KALRN: variants seen among roughly 807,000 people sequenced by gnomAD.
KALRN encodes the protein kalirin RhoGEF kinase.
In KALRN, 70 loss-of-function variants were observed where a neutral mutation model predicts 353.7. That is an observed-to-expected ratio of 0.20 (90% CI 0.16 to 0.24). KALRN has a LOEUF of 0.24. Among genes scored for constraint, KALRN ranks in the 10% least tolerant of loss-of-function variants. The pLI is 1.00. For synonymous variants in KALRN, 1,391 were observed against 1,434.8 expected (o/e 0.97, Z 0.69); for missense variants, 2,791 against 3,756.7 (o/e 0.74, Z 6.72).
At chr3:124,595,944 A>G (rs1313460840) in intron 34 of KALRN, among the ~76,000 whole-genome samples, 1 of 152,226 alleles carries the variant, frequency 6.6e-6, no homozygotes, top group African/African-American at 2.4e-5. Flanking sequence ...GCAATATATC[A>G]TGATGATTAC....
intron 27 of KALRN, among the ~76,000 whole-genome samples, chr3:124,478,770 T>G (rs1016496189): frequency 2.6e-5 from 4 of 152,232 alleles, no homozygotes; most frequent in African/African-American, 9.6e-5. Context: ...AAATGCATTG[T>G]GTCCTGTCTT....
intron 5 of KALRN, among the ~76,000 whole-genome samples, chr3:124,286,090 T>C (rs529541055): frequency 4.5e-5 from 6 of 134,498 alleles, no homozygotes; most frequent in East Asian, 2.2e-4. Context: ...TTCCTTTCTT[T>C]CTTTCTTTCT....
At chr3:124,632,335 T>A in intron 34 of KALRN, 85 bp from the exon 35 acceptor site, 1 of 1,341,542 alleles carries the variant, frequency 7.5e-7, no homozygotes, top group Non-Finnish European at 1.0e-6. Context: ...TGTCCTAGCT[T>A]CCTGAGGATG....
At chr3:124,244,493 T>A (rs1296304693) in intron 3 of KALRN, among the ~76,000 whole-genome samples, 1 of 152,178 alleles carries the variant, frequency 6.6e-6, no homozygotes, top group African/African-American at 2.4e-5. Context: ...CACCTCAGCC[T>A]CCCAAAGTGC....
At chr3:124,258,394 C>T (rs2072344072) in intron 3 of KALRN, among the ~76,000 whole-genome samples, 1 of 152,242 alleles carries the variant, frequency 6.6e-6, no homozygotes, top group Non-Finnish European at 1.5e-5. Context: ...CAGCATTTGA[C>T]ACTGTGGTTC....
chr3:124,561,114 T>G (rs954060666), intron 33 of KALRN, among the ~76,000 whole-genome samples: 1 of 152,188 alleles, frequency 6.6e-6, no homozygotes, highest in African/African-American at 2.4e-5. Context: ...AAGTAGATAA[T>G]TAATGCAAAG....
intron 1 of KALRN, among the ~76,000 whole-genome samples, chr3:124,197,813 T>A (rs2075587735): frequency 6.6e-6 from 1 of 152,208 alleles, no homozygotes; most frequent in South Asian, 2.1e-4. Context: ...GAAATGTTCC[T>A]TCTATCTGCC....
chr3:124,117,762 C>T (rs2149560278), intron 1 of KALRN, among the ~76,000 whole-genome samples: 1 of 152,174 alleles, frequency 6.6e-6, no homozygotes, highest in African/African-American at 2.4e-5. Context: ...GCTGTTGGCA[C>T]CGTTCTTTCA....
intron 1 of KALRN, among the ~76,000 whole-genome samples, chr3:124,223,601 C>T (rs2078157353): frequency 6.6e-6 from 1 of 152,224 alleles, no homozygotes; most frequent in African/African-American, 2.4e-5. Flanking sequence ...GCTTGAACCT[C>T]CAATGCTCTA....
chr3:124,307,209 A>G (rs769359860), intron 6 of KALRN, among the ~76,000 whole-genome samples: 3 of 152,140 alleles, frequency 2.0e-5, no homozygotes, highest in Non-Finnish European at 2.9e-5. Context: ...TAAAAATGTA[A>G]TATGTTTTCC....
intron 33 of KALRN, among the ~76,000 whole-genome samples, chr3:124,560,792 ACTTGAG>A (rs2071894029): frequency 6.6e-6 from 1 of 152,202 alleles, no homozygotes; most frequent in African/African-American, 2.4e-5. Context: ...TGGGAGGATC[ACTTGAG>A]CCAGAGAGGT....
intron 25 of KALRN, among the ~76,000 whole-genome samples, chr3:124,463,496 T>C (rs1156415237): frequency 6.6e-6 from 1 of 152,202 alleles, no homozygotes; most frequent in Non-Finnish European, 1.5e-5. Flanking sequence ...CCTTCTGCAA[T>C]GATGGAAATG....
chr3:124,390,143 C>T (rs1364949657), intron 11 of KALRN, among the ~76,000 whole-genome samples: 1 of 152,204 alleles, frequency 6.6e-6, no homozygotes, highest in Non-Finnish European at 1.5e-5. Flanking sequence ...AGTCCTCATT[C>T]TTTTTGTCCA....
chr3:124,719,331 A>G lies in KALRN; in HGVS notation c.8822A>G (p.His2941Arg). The stretch of plus-strand genomic sequence containing the variant: ...TTGCAGCATCCATGGCTGCAGCCCC[A>G]TAATGGCAGCTACTCTAAGATCCCC... ...TCLQHPWLQP[H>R]NGSYSKIPLD... The change falls in exon 60 of 60, where the codon CAT (histidine) becomes CGT (arginine). Residue 2941 changes from histidine (H) to arginine (R), a missense_variant. Coordinates refer to ENST00000682506, the MANE Select transcript of KALRN (RefSeq NM_001388419.1). This position sits in a 1 kb window ranked among gnomAD's most constrained non-coding sequence, Gnocchi z 5.3. 6.2e-7 allele frequency: 1 copy of G among 1,614,230 alleles called. No homozygotes were observed. Among genetic ancestry groups the G allele is most frequent in the Non-Finnish European group, 8.5e-7 (1 of 1,180,032 alleles).
At chr3:124,643,515 T>C (rs2082340245) in intron 37 of KALRN, among the ~76,000 whole-genome samples, 1 of 152,170 alleles carries the variant, frequency 6.6e-6, no homozygotes, top group Non-Finnish European at 1.5e-5. Flanking sequence ...AGGGTCTCAC[T>C]CTGTCGCCCA....
At chr3:124,368,843 C>G (rs953905692) in intron 10 of KALRN, among the ~76,000 whole-genome samples, 15 of 152,330 alleles carry the variant, frequency 9.8e-5, no homozygotes, top group South Asian at 2.1e-4. Context: ...GCGGATCACT[C>G]GCGGTTAGGG....
Position 124,719,337 on chromosome 3 carries a change from G to A in KALRN, c.8828G>A (p.Gly2943Asp). The A allele has an allele frequency of 6.2e-7, 1 of 1,614,144 alleles. No individual in the cohort carries two copies. The highest frequency in any genetic ancestry group is 2.2e-5 in the East Asian group (1 of 44,876). Residue 2943 changes from glycine (G) to aspartate (D), a missense_variant, in exon 60 of 60, where the codon GGC becomes GAC. By Grantham distance (94) the Gly-to-Asp change is moderately conservative. This residue lies in a region of KALRN where 188 missense variants were observed against 402.9 expected (regional missense o/e 0.47). Coordinates refer to ENST00000682506, the MANE Select transcript of KALRN (RefSeq NM_001388419.1). This position sits in a 1 kb window ranked among gnomAD's most constrained non-coding sequence, Gnocchi z 5.3. ...LQHPWLQPHN[G>D]SYSKIPLDTS... is the part of the protein sequence containing the mutation. The stretch of plus-strand genomic sequence containing the variant: ...CATCCATGGCTGCAGCCCCATAATG[G>A]CAGCTACTCTAAGATCCCCCTGGAC...
intron 1 of KALRN, among the ~76,000 whole-genome samples, chr3:124,108,774 G>C (rs2062561393): frequency 6.6e-6 from 1 of 152,154 alleles, no homozygotes; most frequent in Non-Finnish European, 1.5e-5. Flanking sequence ...AAGTTACTAA[G>C]ATTTGGGGGG....
At chr3:124,274,978 A>C (rs1406510341) in intron 5 of KALRN, among the ~76,000 whole-genome samples, 1 of 152,200 alleles carries the variant, frequency 6.6e-6, no homozygotes, top group Admixed American at 6.5e-5. Context: ...ACACGTATCA[A>C]TTGTGAGACA....
Sources: gnomAD v4.1 joint callset for allele counts (sites outside exome capture counted in the v4.1 genomes callset) on GRCh38, gnomAD v4.1.1 for gene constraint, gnomAD v4.1.1 regional missense constraint, Gnocchi (gnomAD v3.1) non-coding constraint, MANE v1.5 for transcripts, NCBI Gene and HGNC (gene_info 2026-07-23, HGNC 2026-07-21) for gene names.